Variants in NLK observed in about 807,000 individuals in gnomAD.
The protein encoded by NLK is serine/threonine-protein kinase NLK.
NLK carries 11 observed loss-of-function variants against 59.0 expected under a neutral mutation model. That is an observed-to-expected ratio of 0.19 (90% CI 0.12 to 0.31). The LOEUF (loss-of-function observed/expected upper bound fraction) is 0.31, where lower values mean the gene tolerates loss of function less well. Among genes scored for constraint, NLK ranks in the 10% least tolerant of loss-of-function variants. NLK has a pLI of 1.00. For missense variants in NLK, 410 were observed against 661.1 expected (o/e 0.62, Z 4.16); for synonymous variants, 235 against 235.9 (o/e 1.00, Z 0.03).
At chr17:28,126,265 G>GA (rs987646902) in intron 2 of NLK, among the ~76,000 whole-genome samples, 3 of 152,218 alleles carry the variant, frequency 2.0e-5, no homozygotes, top group African/African-American at 4.8e-5. Context: ...TGGAGAGGGG[G>GA]ACCTTAAAAC....
chr17:28,115,268 A>G (rs1158063130), intron 1 of NLK, among the ~76,000 whole-genome samples: 1 of 152,226 alleles, frequency 6.6e-6, no homozygotes, highest in Non-Finnish European at 1.5e-5. Context: ...TCTCTCTACA[A>G]CATTCTGTTG....
intron 5 of NLK, among the ~76,000 whole-genome samples, chr17:28,165,328 A>C (rs1212066752): frequency 6.6e-6 from 1 of 152,170 alleles, no homozygotes; most frequent in Non-Finnish European, 1.5e-5. Context: ...GTTTGATGCC[A>C]TTAACTGCTT....
chr17:28,202,973 C>T, the NLK span, among the ~76,000 whole-genome samples: 7 of 152,118 alleles, frequency 4.6e-5, no homozygotes, highest in African/African-American at 1.7e-4. Context: ...TAAGCCACTG[C>T]GCCCGGCCAT....
chr17:28,043,600 A>G (rs1908951357), intron 1 of NLK, among the ~76,000 whole-genome samples: 1 of 152,200 alleles, frequency 6.6e-6, no homozygotes, highest in Non-Finnish European at 1.5e-5. Flanking sequence ...TAAGCAAGCC[A>G]CTGAACACAG....
chr17:28,079,929 A>G (rs1221292781), intron 1 of NLK, among the ~76,000 whole-genome samples: 1 of 152,156 alleles, frequency 6.6e-6, no homozygotes, highest in Non-Finnish European at 1.5e-5. Context: ...ATTTTCTTCT[A>G]GGAACTTTAT....
Position 28,069,905 on chromosome 17 carries a change from T to C in NLK, c.458+26574T>C, listed in dbSNP as rs1226350825. Reference sequence around the variant, plus strand: ...TGAGAAGTTAAGTTTATCAACTTTTTCTTTTATTATTAGTACATTTTTTGG... The same window carrying C: ...TGAGAAGTTAAGTTTATCAACTTTTCCTTTTATTATTAGTACATTTTTTGG... On this transcript the variant is annotated intron_variant, in intron 1 of 10. Transcript: ENST00000407008. Among the ~76,000 whole-genome samples the C allele has an allele frequency of 6.6e-5, 10 of 152,304 alleles. No homozygotes were observed. The East Asian group carries it at 1.5e-3, about 24-fold the overall frequency.
intron 1 of NLK, among the ~76,000 whole-genome samples, chr17:28,090,415 A>G (rs1300959486): frequency 2.0e-5 from 3 of 152,068 alleles, no homozygotes; most frequent in Middle Eastern, 3.2e-3. Flanking sequence ...ATTATTTTCC[A>G]TGCTCTTCAT....
At chr17:28,070,387 G>A (rs1309245668) in intron 1 of NLK, among the ~76,000 whole-genome samples, 12 of 124,938 alleles carry the variant, frequency 9.6e-5, no homozygotes, top group East Asian at 4.6e-4. Flanking sequence ...ACGGAATCTC[G>A]CCCTGTTGCC....
Position 28,180,992 on chromosome 17 carries a change from A to C in NLK, c.1150-4187A>C, listed in dbSNP as rs189533540. Among the ~76,000 whole-genome samples the C allele has an allele frequency of 2.4e-3, 365 of 152,294 alleles. 1 individual carries two copies. The highest frequency in any genetic ancestry group is 4.0e-3 in the Non-Finnish European group (270 of 68,022). ...ACTTAGGCTGGGCATGGTGGCTTAC[A>C]CTTGTAATCCTAGCACTTCGGGAGG... On this transcript the variant is annotated intron_variant, in intron 7 of 10. Transcript: ENST00000407008.
At chr17:28,203,160 T>TACACACACACACACACACACACAC in the NLK span, among the ~76,000 whole-genome samples, 162 of 127,124 alleles carry the variant, frequency 1.3e-3, 2 homozygotes, top group African/African-American at 5.0e-3. Flanking sequence ...TGTATATACA[T>TACACACACACACACACACACACAC]ACATACACAC....
At chr17:28,068,184 C>CCAT (rs1217744916) in intron 1 of NLK, among the ~76,000 whole-genome samples, 2 of 151,648 alleles carry the variant, frequency 1.3e-5, no homozygotes, top group African/African-American at 4.8e-5. Context: ...TGTTCCAATA[C>CCAT]CATTTGTTGA....
chr17:28,081,256 C>T (rs929217422), intron 1 of NLK, among the ~76,000 whole-genome samples: 2 of 151,758 alleles, frequency 1.3e-5, no homozygotes, highest in Admixed American at 6.6e-5. Context: ...TGGAGTGCAG[C>T]GGCGTGCGTG....
intron 2 of NLK, among the ~76,000 whole-genome samples, chr17:28,124,771 C>G (rs748530583): frequency 7.2e-5 from 11 of 151,968 alleles, no homozygotes; most frequent in Admixed American, 3.3e-4. Context: ...TACTCGGGGC[C>G]GGGCGCAGTA....
chr17:28,054,096 G>T (rs1909357677), intron 1 of NLK, among the ~76,000 whole-genome samples: 1 of 152,196 alleles, frequency 6.6e-6, no homozygotes, highest in Non-Finnish European at 1.5e-5. Flanking sequence ...TACAGATGCG[G>T]AGGAAATTTG....
At chr17:28,044,517 G>T (rs117867495) in intron 1 of NLK, among the ~76,000 whole-genome samples, 143 of 152,308 alleles carry the variant, frequency 9.4e-4, no homozygotes, top group Non-Finnish European at 1.7e-3. Context: ...GTAGAGTCCA[G>T]TGTTTTCTCA....
At chr17:28,149,820 C>G (rs1376202137) in intron 3 of NLK, among the ~76,000 whole-genome samples, 1 of 152,170 alleles carries the variant, frequency 6.6e-6, no homozygotes, top group African/African-American at 2.4e-5. Context: ...TTTCTAGTAC[C>G]TAGATTGGCA....
intron 1 of NLK, among the ~76,000 whole-genome samples, chr17:28,052,141 ATAC>A (rs1261630557): frequency 6.6e-6 from 1 of 152,152 alleles, no homozygotes; most frequent in African/African-American, 2.4e-5. Context: ...TGTCCATTTG[ATAC>A]TACTATTTTC....
At chr17:28,193,020 T>C (rs111879480) in intron 10 of NLK, among the ~76,000 whole-genome samples, 25 of 152,352 alleles carry the variant, frequency 1.6e-4, no homozygotes, top group African/African-American at 6.0e-4. Flanking sequence ...GTCTGTCCTT[T>C]CCTTCTCTTG....
chr17:28,173,492 G>A (rs771701382), intron 7 of NLK, among the ~76,000 whole-genome samples: 9 of 152,166 alleles, frequency 5.9e-5, no homozygotes, highest in Non-Finnish European at 1.3e-4. Flanking sequence ...TTCTCTCTTT[G>A]TAATTCTAGT....
Sources: gnomAD v4.1 joint callset for allele counts (sites outside exome capture counted in the v4.1 genomes callset) on GRCh38, gnomAD v4.1.1 for gene constraint, MANE v1.5 for transcripts, NCBI Gene and HGNC (gene_info 2026-07-23, HGNC 2026-07-21) for gene names.